Variants in STARD9 observed in about 807,000 individuals in gnomAD.
STARD9 encodes StAR related lipid transfer domain containing 9.
Under a neutral mutation model 399.8 loss-of-function variants are expected in STARD9, and 346 were observed. The observed-to-expected ratio is 0.87, with a 90% CI of 0.79 to 0.95. The LOEUF (loss-of-function observed/expected upper bound fraction) is 0.95. STARD9 is among the 40% of genes least tolerant of loss of function. The probability of loss-of-function intolerance (pLI) is 0.00; values close to 1 mark genes in which losing one functional copy is unlikely to be tolerated. For synonymous variants in STARD9, 2,203 were observed against 2,143.5 expected (o/e 1.03, Z -0.77); for missense variants, 5,832 against 5,667.5 (o/e 1.03, Z -0.93).
chr15:42,705,775 T>C (rs1414051520), intron 26 of STARD9, among the ~76,000 whole-genome samples: 1 of 151,670 alleles, frequency 6.6e-6, no homozygotes. Context: ...TTTTTTGAGA[T>C]GGAGTCTCAC....
chr15:42,627,994 T>C (rs1478618849), intron 3 of STARD9, among the ~76,000 whole-genome samples: 1 of 152,220 alleles, frequency 6.6e-6, no homozygotes, highest in African/African-American at 2.4e-5. Flanking sequence ...GTGTTTTTTT[T>C]CTGAGGAACC....
chr15:42,717,562 C>T (rs2061373119), intron 28 of STARD9, among the ~76,000 whole-genome samples, 169 bp from the exon 29 acceptor site: 1 of 151,952 alleles, frequency 6.6e-6, no homozygotes. Flanking sequence ...GAGGTTAACG[C>T]TGCAGTGAGC....
At chr15:42,629,076 G>A (rs925066221) in intron 3 of STARD9, among the ~76,000 whole-genome samples, 2 of 152,052 alleles carry the variant, frequency 1.3e-5, no homozygotes, top group Admixed American at 1.3e-4. Flanking sequence ...CTGGAGTGCA[G>A]GGACGTGATC....
chr15:42,690,429 C>A lies in STARD9; in HGVS notation c.8851C>A (p.Leu2951Ile), dbSNP rs764095312. The A allele has an allele frequency of 1.3e-6, 2 of 1,537,116 alleles. No homozygotes were observed. Among genetic ancestry groups the A allele is most frequent in the Non-Finnish European group, 1.7e-6 (2 of 1,146,914 alleles). ...GTCTAGAGGGAAAGAGAGCAGAACTCTTCCTTGCCGACAGCCATGCAGTTC... is the reference window on the plus strand; with the variant it reads ...GTCTAGAGGGAAAGAGAGCAGAACTATTCCTTGCCGACAGCCATGCAGTTC... ...SPSRGKESRT[L>I]PCRQPCSSQP... Residue 2951 changes from leucine (L) to isoleucine (I), a missense_variant, in exon 23 of 33, where the codon CTT (leucine) becomes ATT (isoleucine). Physicochemically the swap from Leu to Ile is conservative, Grantham distance 5. This residue lies in a region of STARD9 where 5,828 missense variants were observed against 5,651.1 expected (regional missense o/e 1.03). Coordinates refer to ENST00000290607, the MANE Select transcript of STARD9 (RefSeq NM_020759.3).
At chr15:42,668,568 G>C (rs1458228119) in intron 15 of STARD9, among the ~76,000 whole-genome samples, 2 of 152,154 alleles carry the variant, frequency 1.3e-5, no homozygotes, top group Non-Finnish European at 2.9e-5. Flanking sequence ...CTGGTACACA[G>C]TAAGAACTCA....
Position 42,694,601 on chromosome 15 carries a change from C to G in STARD9, c.12838C>G (p.Leu4280Val), listed in dbSNP as rs1467079999. 6.5e-7 allele frequency: 1 copy of G among 1,537,108 alleles called. No homozygotes were observed. Among genetic ancestry groups the G allele is most frequent in the Non-Finnish European group, 8.7e-7 (1 of 1,146,904 alleles). ...RLGNFCRTRS[L>V]SPQKQLSLLP... ...TGGGAACTTCTGCCGGACGCGAAGC[C>G]TTAGCCCTCAGAAACAACTGAGCCT... Residue 4280 changes from leucine (L) to valine (V), a missense_variant, in exon 24 of 33, where the codon CTT becomes GTT. By Grantham distance (32) the Leu-to-Val change is conservative. Around this residue, in one of 2 missense-constraint regions of STARD9, gnomAD observed 5,828 missense variants for 5,651.1 expected, o/e 1.03. Coordinates refer to ENST00000290607, the MANE Select transcript of STARD9 (RefSeq NM_020759.3).
intron 10 of STARD9, among the ~76,000 whole-genome samples, chr15:42,661,608 C>CT (rs1241695007): frequency 2.1e-5 from 3 of 141,024 alleles, no homozygotes; most frequent in African/African-American, 8.8e-5. Context: ...CCACATCTGG[C>CT]TTTCTTTCTT....
intron 3 of STARD9, among the ~76,000 whole-genome samples, chr15:42,600,331 A>G (rs2058595938): frequency 6.6e-6 from 1 of 152,190 alleles, no homozygotes; most frequent in South Asian, 2.1e-4. Flanking sequence ...TGGAGGAGCT[A>G]TGAGGACTTT....
At chr15:42,672,095 G>GTAC (rs2060213762) in intron 16 of STARD9, 4 of 152,154 alleles carry the variant, frequency 2.6e-5, no homozygotes, top group Admixed American at 2.6e-4. Context: ...TGTTTGTTTA[G>GTAC]CTATTGACTT....
In STARD9 at chr15:42,585,555, G is replaced by T. The variant is rs930898349; in HGVS notation, c.152G>T (p.Arg51Leu). The change falls in exon 3 of 33, where the codon CGG (arginine) becomes CTG (leucine). Residue 51 changes from arginine to leucine, a missense_variant. Coordinates refer to ENST00000290607, the MANE Select transcript of STARD9 (RefSeq NM_020759.3). Reference protein sequence around the residue: ...DNRPDGFGDSREKVMAFGFDY... With the variant: ...DNRPDGFGDSLEKVMAFGFDY... ...CGACCAGATGGCTTTGGGGACTCCC[G>T]GGAGAAGGTTATGGCATTTGGCTTT... The T allele has an allele frequency of 6.5e-7, 1 of 1,537,130 alleles. No individual in the cohort carries two copies. Among genetic ancestry groups the T allele is most frequent in the Admixed American group, 2.0e-5 (1 of 50,994 alleles).
chr15:42,666,487 G>A (rs540346166), intron 15 of STARD9, among the ~76,000 whole-genome samples: 1 of 152,264 alleles, frequency 6.6e-6, no homozygotes, highest in South Asian at 2.1e-4. Context: ...GGTGTGAGAG[G>A]CCATGTGGAA....
intron 26 of STARD9, among the ~76,000 whole-genome samples, chr15:42,701,279 A>T (rs1344948680): frequency 6.6e-6 from 1 of 152,180 alleles, no homozygotes; most frequent in Admixed American, 6.5e-5. Flanking sequence ...TTTTCTATGA[A>T]GAATGTTATT....
chr15:42,588,786 T>G (rs955073479), intron 3 of STARD9, among the ~76,000 whole-genome samples: 7 of 22,430 alleles, frequency 3.1e-4, no homozygotes, highest in Non-Finnish European at 4.7e-4. Flanking sequence ...GTTTTTTTTT[T>G]TTTTTTTTTT....
chr15:42,600,989 G>C (rs1013877218), intron 3 of STARD9, among the ~76,000 whole-genome samples: 2 of 151,762 alleles, frequency 1.3e-5, no homozygotes, highest in African/African-American at 4.8e-5. Flanking sequence ...GAGGTCTCTG[G>C]TTTTACTAGG....
rs1237311739 is a variant in STARD9 at position 42,694,538 on chromosome 15, G to A, written c.12775G>A (p.Ala4259Thr). The change falls in exon 24 of 33, where the codon GCC becomes ACC. Residue 4259 changes from alanine to threonine, a missense_variant. Physicochemically the swap from Ala to Thr is moderately conservative, Grantham distance 58. This residue lies in a region of STARD9 where 5,828 missense variants were observed against 5,651.1 expected (regional missense o/e 1.03). Coordinates refer to ENST00000290607, the MANE Select transcript of STARD9 (RefSeq NM_020759.3). The stretch of plus-strand genomic sequence containing the variant: ...CGTGTTTTGCCTCAGGCAAAAAAAG[G>A]CCATTGAGACCCTCAGGAGAGAGCG... ...WKELYARQKK[A>T]IETLRRERAE... The A allele has an allele frequency of 4.6e-6, 7 of 1,537,164 alleles. No homozygotes were observed. Among genetic ancestry groups the A allele is most frequent in the Non-Finnish European group, 4.4e-6 (5 of 1,146,898 alleles).
Position 42,693,657 on chromosome 15 carries a change from C to T in STARD9, c.12079C>T (p.Leu4027=), listed in dbSNP as rs577530738. ...PPPLRHRSQR[L]GNSFVPEKVA... is the part of the protein sequence containing the mutation. ...ACCACTGAGGCACAGGAGCCAAAGG[C>T]TGGGCAACAGCTTTGTGCCTGAGAA... The change falls in exon 23 of 33, where the codon CTG becomes TTG. Residue 4027 remains leucine, a synonymous_variant. Coordinates refer to ENST00000290607, the MANE Select transcript of STARD9 (RefSeq NM_020759.3). The T allele has an allele frequency of 7.7e-5, 118 of 1,537,144 alleles. No homozygotes were observed. Among genetic ancestry groups the T allele is most frequent in the East Asian group, 3.9e-4 (16 of 40,938 alleles).
Position 42,693,064 on chromosome 15 carries a change from A to G in STARD9, c.11486A>G (p.His3829Arg). ...TTTCAGAAAGCCCCCGTTGGGCAGC[A>G]TCTTCCTTCTGTGAGCCCCTCAGTT... ...LRFQKAPVGQ[H>R]LPSVSPSVSD... Residue 3829 changes from histidine to arginine, a missense_variant, in exon 23 of 33, where the codon CAT becomes CGT. By Grantham distance (29) the His-to-Arg change is conservative (BLOSUM62 0). Around this residue, in one of 2 missense-constraint regions of STARD9, gnomAD observed 5,828 missense variants for 5,651.1 expected, o/e 1.03. Coordinates refer to ENST00000290607, the MANE Select transcript of STARD9 (RefSeq NM_020759.3). 6.5e-7 allele frequency: 1 copy of G among 1,537,098 alleles called. No individual in the cohort carries two copies. Among genetic ancestry groups the G allele is most frequent in the Non-Finnish European group, 8.7e-7 (1 of 1,146,872 alleles).
chr15:42,684,748 A>G lies in STARD9; in HGVS notation c.3170A>G (p.Lys1057Arg), dbSNP rs1358693505. 2.6e-6 allele frequency: 4 copies of G among 1,537,120 alleles called. No individual in the cohort carries two copies. The highest frequency in any genetic ancestry group is 1.4e-5 in the African/African-American group (1 of 73,056). The stretch of plus-strand genomic sequence containing the variant: ...GCAACTAGGGTCAGAAATATTACCA[A>G]AAAGTCCTCTCACTTGCCTCTTGGC... ...VLATRVRNITKKSSHLPLGSP... is the reference protein window; with the variant it reads ...VLATRVRNITRKSSHLPLGSP... Residue 1057 changes from lysine to arginine, a missense_variant, in exon 23 of 33, where the codon AAA (lysine) becomes AGA (arginine). Transcript: ENST00000290607.
rs117170089 is a variant in STARD9 at position 42,705,420 on chromosome 15, G to T, written c.13284+9540G>T. On this transcript the variant is annotated intron_variant, in intron 26 of 32. Coordinates refer to ENST00000290607, the MANE Select transcript of STARD9 (RefSeq NM_020759.3). ...TATTCTGCCATCTTGTTGTGCCTCT[G>T]TGTTACTGATCTGTTGTTTGTTTAT... Among the ~76,000 whole-genome samples, 1,150 of 152,178 alleles carry T rather than the reference G, an allele frequency of 7.6e-3. 33 individuals are homozygous for T. Among genetic ancestry groups the T allele is most frequent in the Admixed American group, 0.055 (838 of 15,266 alleles).
Sources: gnomAD v4.1 joint callset for allele counts (sites outside exome capture counted in the v4.1 genomes callset) on GRCh38, gnomAD v4.1.1 for gene constraint, gnomAD v4.1.1 regional missense constraint, MANE v1.5 for transcripts, NCBI Gene and HGNC (gene_info 2026-07-23, HGNC 2026-07-21) for gene names.